The following BCAS1 variants were observed in gnomAD, a reference collection of about 807,000 sequenced individuals.
The protein encoded by BCAS1 is breast carcinoma-amplified sequence 1.
In BCAS1, 46 loss-of-function variants were observed where a neutral mutation model predicts 65.4. The observed-to-expected ratio is 0.70, with a 90% CI of 0.55 to 0.90. The LOEUF is 0.90. Ranked by LOEUF, BCAS1 falls within the 40% of genes least tolerant of loss-of-function variation. BCAS1 has a pLI of 0.00. For missense variants in BCAS1, 793 were observed against 771.2 expected, an observed-to-expected ratio of 1.03 and a Z score of -0.33; for synonymous variants, 298 against 293.5, an observed-to-expected ratio of 1.02 and a Z score of -0.16.
intron 12 of BCAS1, among the ~76,000 whole-genome samples, chr20:53,950,263 TACTAAGCTC>T (rs1306456255): frequency 6.6e-6 from 1 of 152,174 alleles, no homozygotes; most frequent in African/African-American, 2.4e-5. Flanking sequence ...TCCTGAAATG[TACTAAGCTC>T]ACTAAGCTCA....
chr20:53,993,648 AC>A (rs2090822426), intron 6 of BCAS1, among the ~76,000 whole-genome samples: 1 of 152,072 alleles, frequency 6.6e-6, no homozygotes, highest in African/African-American at 2.4e-5. Flanking sequence ...ACATTCCCAT[AC>A]TCCACTGTTT....
intron 4 of BCAS1, among the ~76,000 whole-genome samples, chr20:54,009,770 G>A (rs116002905): frequency 0.013 from 1,954 of 152,162 alleles, 42 homozygotes; most frequent in African/African-American, 0.044. Flanking sequence ...TGGCACCAAA[G>A]AAATGAAAAA....
intron 4 of BCAS1, among the ~76,000 whole-genome samples, chr20:54,023,258 G>C (rs1238944385): frequency 1.3e-5 from 2 of 152,092 alleles, no homozygotes; most frequent in Non-Finnish European, 2.9e-5. Flanking sequence ...TCAAATAATT[G>C]GCAAAAATAG....
chr20:53,985,557 A>G (rs2090596043), intron 7 of BCAS1, 58 bp from the exon 8 acceptor site: 18 of 1,477,956 alleles, frequency 1.2e-5, no homozygotes, highest in Non-Finnish European at 1.7e-5. Flanking sequence ...AATTTTAAAA[A>G]TGGAAGATCT....
intron 12 of BCAS1, 105 bp from the exon 13 acceptor site, chr20:53,945,101 A>T: frequency 1.0e-6 from 1 of 984,080 alleles, no homozygotes; most frequent in South Asian, 1.3e-5. Flanking sequence ...GTTGGGCTAA[A>T]TTAATATATC....
At chr20:54,045,339 C>T (rs1262599935) in intron 3 of BCAS1, among the ~76,000 whole-genome samples, 3 of 151,770 alleles carry the variant, frequency 2.0e-5, no homozygotes, top group African/African-American at 7.3e-5. Flanking sequence ...ATGTCTATAC[C>T]TTGAAGTACA....
At chr20:54,047,173 C>T (rs2092124711) in intron 3 of BCAS1, among the ~76,000 whole-genome samples, 1 of 152,224 alleles carries the variant, frequency 6.6e-6, no homozygotes, top group African/African-American at 2.4e-5. Context: ...GGCTCTCTCA[C>T]AGCATGGCAA....
intron 4 of BCAS1, among the ~76,000 whole-genome samples, chr20:54,014,656 G>C (rs1425862090): frequency 6.6e-6 from 1 of 152,176 alleles, no homozygotes; most frequent in Admixed American, 6.5e-5. Context: ...AAGAAAATTT[G>C]TGTGAAAAAT....
intron 3 of BCAS1, among the ~76,000 whole-genome samples, chr20:54,051,679 TC>T (rs2092214926): frequency 6.6e-6 from 1 of 152,120 alleles, no homozygotes; most frequent in Non-Finnish European, 1.5e-5. Flanking sequence ...TTATTTTTTT[TC>T]TTTAGTTGAT....
chr20:53,963,930 C>A (rs979700186), intron 10 of BCAS1, among the ~76,000 whole-genome samples: 1 of 152,170 alleles, frequency 6.6e-6, no homozygotes, highest in African/African-American at 2.4e-5. Flanking sequence ...GCTGAAATAA[C>A]GTGGGTGAGA....
intron 4 of BCAS1, among the ~76,000 whole-genome samples, chr20:54,015,121 C>A (rs2091407257): frequency 6.6e-6 from 1 of 152,034 alleles, no homozygotes; most frequent in Admixed American, 6.5e-5. Flanking sequence ...CAACCTCCGC[C>A]TCCCAGGTTC....
At chr20:54,040,590 A>G (rs1467015861) in intron 3 of BCAS1, among the ~76,000 whole-genome samples, 3 of 151,326 alleles carry the variant, frequency 2.0e-5, no homozygotes, top group East Asian at 3.8e-4. Context: ...GAACTCATAA[A>G]AAGATGCCTA....
At chr20:53,972,684 C>A (rs1389892563) in intron 9 of BCAS1, among the ~76,000 whole-genome samples, 1 of 151,984 alleles carries the variant, frequency 6.6e-6, no homozygotes, top group Admixed American at 6.5e-5. Context: ...AGCTTGTGGG[C>A]TGTATTTGGC....
chr20:53,957,330 A>T (rs913788902), intron 11 of BCAS1, 102 bp downstream of exon 11: 55 of 1,073,630 alleles, frequency 5.1e-5, no homozygotes, highest in Non-Finnish European at 7.0e-5. Context: ...CTGAGATATT[A>T]AATGAGTTGG....
At chr20:54,006,925 T>C (rs185335602) in intron 4 of BCAS1, among the ~76,000 whole-genome samples, 1 of 152,174 alleles carries the variant, frequency 6.6e-6, no homozygotes, top group Non-Finnish European at 1.5e-5. Flanking sequence ...AAAACACAGA[T>C]AAACTAATAC....
chr20:54,047,775 C>T (rs770178547), intron 3 of BCAS1, among the ~76,000 whole-genome samples: 4 of 152,182 alleles, frequency 2.6e-5, no homozygotes, highest in African/African-American at 2.4e-5. Context: ...AATGAAAGTA[C>T]ACTCCACAGA....
At chr20:53,947,685 C>T (rs777113310) in intron 12 of BCAS1, among the ~76,000 whole-genome samples, 34 of 152,216 alleles carry the variant, frequency 2.2e-4, no homozygotes, top group Non-Finnish European at 4.1e-4. Context: ...AGTGGGGTGC[C>T]GGCTTCTGTC....
At chr20:53,970,213 A>G (rs897818965) in intron 9 of BCAS1, among the ~76,000 whole-genome samples, 2 of 152,230 alleles carry the variant, frequency 1.3e-5, no homozygotes, top group Admixed American at 1.3e-4. Flanking sequence ...GCCTTTCCAA[A>G]TGTTGAGAGG....
chr20:54,034,246 C>T (rs2091856231), intron 3 of BCAS1, among the ~76,000 whole-genome samples: 1 of 151,348 alleles, frequency 6.6e-6, no homozygotes, highest in African/African-American at 2.4e-5. Flanking sequence ...TCTCTCTCAC[C>T]ACTCCTATTC....
Sources: gnomAD v4.1 joint callset for allele counts (sites outside exome capture counted in the v4.1 genomes callset) on GRCh38, gnomAD v4.1.1 for gene constraint, MANE v1.5 for transcripts, NCBI Gene and HGNC (gene_info 2026-07-23, HGNC 2026-07-21) for gene names.